SERAC1: variants seen among roughly 807,000 people sequenced by gnomAD.
The protein encoded by SERAC1 is serine active site containing 1.
Under a neutral mutation model 85.7 loss-of-function variants are expected in SERAC1, and 36 were observed. The ratio of observed to expected loss-of-function variants is 0.42; its 90% CI spans 0.32 to 0.55. The LOEUF (loss-of-function observed/expected upper bound fraction) is 0.55, where lower values mean the gene tolerates loss of function less well. Ranked by LOEUF, SERAC1 falls within the 20% of genes least tolerant of loss-of-function variation. The pLI, the probability that SERAC1 is intolerant of heterozygous loss-of-function variation, is 0.11. For synonymous variants in SERAC1, 242 were observed against 265.3 expected, an observed-to-expected ratio of 0.91 and a Z score of 0.85; for missense variants, 629 against 796.2, an observed-to-expected ratio of 0.79 and a Z score of 2.53.
At chr6:158,143,268 T>A (rs1784961695) in intron 7 of SERAC1, 84 bp from the exon 8 acceptor site, 3 of 1,518,524 alleles carry the variant, frequency 2.0e-6, no homozygotes, top group Non-Finnish European at 2.7e-6. Flanking sequence ...AAGCCAATAT[T>A]TGCCATATAT....
chr6:158,143,305 G>GTCTCTC (rs753181670), intron 7 of SERAC1, 121 bp from the exon 8 acceptor site: 63 of 606,186 alleles, frequency 1.0e-4, no homozygotes, highest in South Asian at 4.4e-4. Context: ...ATGTGTGCAT[G>GTCTCTC]TCTCTCTCTC....
intron 13 of SERAC1, chr6:158,116,526 C>A (rs1474364045): frequency 2.3e-6 from 1 of 440,242 alleles, no homozygotes; most frequent in East Asian, 4.2e-5. Flanking sequence ...GCATGAGCCA[C>A]CACGCCTGGG....
intron 5 of SERAC1, among the ~76,000 whole-genome samples, chr6:158,148,119 T>C (rs1359714587): frequency 1.3e-5 from 2 of 152,214 alleles, no homozygotes; most frequent in Admixed American, 6.5e-5. Flanking sequence ...AAAACCAAGA[T>C]TTAATAGTCT....
chr6:158,157,564 T>C (rs1305159801), intron 2 of SERAC1, among the ~76,000 whole-genome samples: 1 of 152,216 alleles, frequency 6.6e-6, no homozygotes, highest in African/African-American at 2.4e-5. Context: ...CAATTAAATA[T>C]TTTGTTTATT....
chr6:158,152,730 C>G (rs1785236256), intron 3 of SERAC1: 1 of 152,140 alleles, frequency 6.6e-6, no homozygotes, highest in South Asian at 2.1e-4. Context: ...TACACAAATA[C>G]TTCCCATTGT....
chr6:158,135,285 A>AC (rs199568281), intron 8 of SERAC1, among the ~76,000 whole-genome samples: 6,278 of 152,300 alleles, frequency 0.041, 192 homozygotes, highest in African/African-American at 0.09. Context: ...TAATCCCAGC[A>AC]CTTTGGGAGG....
chr6:158,136,331 G>A (rs2128417743), intron 8 of SERAC1, among the ~76,000 whole-genome samples: 1 of 152,098 alleles, frequency 6.6e-6, no homozygotes, highest in South Asian at 2.1e-4. Flanking sequence ...GTAATCTTAT[G>A]TATTATATTT....
chr6:158,158,196 T>C (rs1680130502), intron 2 of SERAC1, 77 bp downstream of exon 2: 6 of 1,082,708 alleles, frequency 5.5e-6, no homozygotes, highest in Non-Finnish European at 8.2e-6. Context: ...AAAAAGTTTT[T>C]GTGGCCCATC....
chr6:158,163,510 C>T (rs565234803), intron 1 of SERAC1, among the ~76,000 whole-genome samples: 16 of 152,214 alleles, frequency 1.1e-4, no homozygotes, highest in Admixed American at 5.9e-4. Flanking sequence ...ACTATATCTG[C>T]GGCACATGCC....
intron 16 of SERAC1, chr6:158,112,970 C>T (rs1294034709): frequency 6.3e-6 from 1 of 158,212 alleles, no homozygotes. Flanking sequence ...TCCCTCAACC[C>T]CAGGATCATG....
chr6:158,135,065 C>A (rs977340753), intron 8 of SERAC1, among the ~76,000 whole-genome samples: 5 of 152,046 alleles, frequency 3.3e-5, no homozygotes, highest in African/African-American at 1.2e-4. Flanking sequence ...ATGAGACAAA[C>A]TAAACTAAGG....
chr6:158,146,880 T>C lies in SERAC1; in HGVS notation c.389A>G (p.Glu130Gly). 1 of 1,613,064 alleles carries C rather than the reference T, an allele frequency of 6.2e-7. No individual in the cohort carries two copies. Among genetic ancestry groups the C allele is most frequent in the Non-Finnish European group, 8.5e-7 (1 of 1,179,380 alleles). The stretch of plus-strand genomic sequence containing the variant: ...CCGTAGGAGCAGCCACACAGCACAC[T>C]CATGATCTTCTATATCAACTGTACT... ...PFSTVDIEDH[E>G]CAVWLLLRKS... is the part of the protein sequence containing the mutation. The change falls in exon 6 of 17, where the codon GAG becomes GGG. Residue 130 changes from glutamate to glycine, a missense_variant. Physicochemically the swap from Glu to Gly is moderately conservative, Grantham distance 98. Coordinates refer to ENST00000647468, the MANE Select transcript of SERAC1 (RefSeq NM_032861.4).
intron 2 of SERAC1, among the ~76,000 whole-genome samples, chr6:158,157,765 C>A (rs375868457): frequency 3.0e-4 from 46 of 152,314 alleles, no homozygotes; most frequent in African/African-American, 1.0e-3. Context: ...ACAGAGTTTA[C>A]AGCATATGGG....
intron 8 of SERAC1, among the ~76,000 whole-genome samples, chr6:158,141,574 AC>A (rs1019634978): frequency 1.3e-5 from 2 of 152,216 alleles, no homozygotes; most frequent in Non-Finnish European, 2.9e-5. Flanking sequence ...ATGAAGAACT[AC>A]TATGCACACC....
intron 16 of SERAC1, chr6:158,113,118 TAA>T (rs1432345075): frequency 2.8e-6 from 1 of 355,814 alleles, no homozygotes; most frequent in African/African-American, 2.1e-5. Flanking sequence ...AATATAAGTC[TAA>T]GTCTATTAAA....
At position 158,155,990 on chromosome 6, in the gene SERAC1, A is replaced by T. The variant is rs186449935; in HGVS notation, c.92-639T>A. Among the ~76,000 whole-genome samples, 363 of 150,060 alleles carry T rather than the reference A, an allele frequency of 2.4e-3. 1 individual carries two copies. The highest frequency in any genetic ancestry group is 8.5e-3 in the African/African-American group (349 of 40,948). On this transcript the variant is annotated intron_variant, in intron 2 of 16. Transcript: ENST00000647468. ...TGAAATCCCATCTCTACTAAATATT[A>T]AAAAAAAAATTATCCAGGCATGGTG... is the stretch of plus-strand genomic sequence containing the variant.
chr6:158,133,967 G>A (rs1333028757), intron 8 of SERAC1, among the ~76,000 whole-genome samples: 1 of 152,198 alleles, frequency 6.6e-6, no homozygotes, highest in Non-Finnish European at 1.5e-5. Flanking sequence ...GATTCTAGCA[G>A]TAAGGGAAAG....
chr6:158,167,191 T>C (rs1287208159), intron 1 of SERAC1, among the ~76,000 whole-genome samples: 1 of 140,786 alleles, frequency 7.1e-6, no homozygotes, highest in Non-Finnish European at 1.5e-5. Flanking sequence ...AAGAGCTGGG[T>C]TCCTTAGCGA....
intron 2 of SERAC1, among the ~76,000 whole-genome samples, chr6:158,156,141 T>TC (rs1197413039): frequency 6.6e-6 from 1 of 152,222 alleles, no homozygotes; most frequent in Admixed American, 6.5e-5. Flanking sequence ...AGAGCAAGAC[T>TC]CCATCTTAAA....
Sources: gnomAD v4.1 joint callset for allele counts (sites outside exome capture counted in the v4.1 genomes callset) on GRCh38, gnomAD v4.1.1 for gene constraint, MANE v1.5 for transcripts, NCBI Gene and HGNC (gene_info 2026-07-23, HGNC 2026-07-21) for gene names.